AP4B1: variants seen among roughly 807,000 people sequenced by gnomAD.
AP4B1 encodes adaptor related protein complex 4 subunit beta 1.
A neutral mutation model predicts 76.5 loss-of-function variants in AP4B1; 49 were observed. That is an observed-to-expected ratio of 0.64 (90% CI 0.51 to 0.81). AP4B1 has a LOEUF of 0.81. Ranked by LOEUF, AP4B1 falls within the 40% of genes least tolerant of loss-of-function variation. The pLI, the probability that AP4B1 is intolerant of heterozygous loss-of-function variation, is 0.00. For synonymous variants in AP4B1, 330 were observed against 333.3 expected (o/e 0.99, Z 0.11); for missense variants, 911 against 904.9 (o/e 1.01, Z -0.09).
intron 5 of AP4B1, 161 bp downstream of exon 5, chr1:113,899,743 C>A: frequency 2.7e-6 from 3 of 1,095,442 alleles, no homozygotes; most frequent in Non-Finnish European, 4.0e-6. Flanking sequence ...CAAAAAAAAA[C>A]TCTCTTCCCC....
intron 2 of AP4B1, among the ~76,000 whole-genome samples, chr1:113,902,408 A>T (rs529603033): frequency 6.6e-6 from 1 of 152,350 alleles, no homozygotes; most frequent in Admixed American, 6.5e-5. Flanking sequence ...GAGATATTTA[A>T]CCAAAACTGA....
At chr1:113,899,061 C>G in intron 5 of AP4B1, 1 of 1,268,042 alleles carries the variant, frequency 7.9e-7, no homozygotes, top group Non-Finnish European at 1.0e-6. Flanking sequence ...AGGTTGAAAA[C>G]TTATAGTAAC....
chr1:113,902,075 G>C, intron 2 of AP4B1, 190 bp from the exon 3 acceptor site: 1 of 711,080 alleles, frequency 1.4e-6, no homozygotes, highest in Non-Finnish European at 2.3e-6. Context: ...TTTTCAAGAT[G>C]GGGTCTCACT....
At chr1:113,898,660 C>G (rs1314092609) in intron 6 of AP4B1, 58 bp downstream of exon 6, 2 of 1,293,542 alleles carry the variant, frequency 1.5e-6, no homozygotes, top group African/African-American at 2.9e-5. Flanking sequence ...TTTTGAGCAA[C>G]TACTATAGGC....
At chr1:113,903,054 T>C (rs1334761113) in intron 1 of AP4B1, among the ~76,000 whole-genome samples, 192 bp from the exon 2 acceptor site, 1 of 152,172 alleles carries the variant, frequency 6.6e-6, no homozygotes, top group African/African-American at 2.4e-5. Flanking sequence ...TATTCTTCTA[T>C]TCATTCAACA....
chr1:113,895,210 A>T lies in AP4B1; in HGVS notation c.2075T>A (p.Leu692Gln). The change falls in exon 10 of 10, where the codon CTG becomes CAG. Residue 692 changes from leucine (L) to glutamine (Q), a missense_variant. By Grantham distance (113) the Leu-to-Gln change is moderately radical. Coordinates refer to ENST00000369569, the MANE Select transcript of AP4B1 (RefSeq NM_001253852.3). The stretch of plus-strand genomic sequence containing the variant: ...CTCCAATAGCAGTTCTGTTAAGAAC[A>T]GACAGCCAGTATCATCCTGAGCACT... ...YLSAQDDTGC[L>Q]FLTELLLEPG... 6.2e-7 allele frequency: 1 copy of T among 1,614,234 alleles called. No homozygotes were observed. The highest frequency in any genetic ancestry group is 8.5e-7 in the Non-Finnish European group (1 of 1,180,044).
intron 2 of AP4B1, among the ~76,000 whole-genome samples, 160 bp downstream of exon 2, chr1:113,902,478 G>A (rs1229349971): frequency 6.6e-6 from 1 of 152,162 alleles, no homozygotes; most frequent in Non-Finnish European, 1.5e-5. Flanking sequence ...TATGATACAG[G>A]TTATTAAGCC....
chr1:113,901,822 T>C lies in AP4B1; in HGVS notation c.402A>G (p.Ser134=). ...PILNGLRDKA[S]YVRRVAVLGC... is the part of the protein sequence containing the mutation. ...CAAGGACTGCCACTCTCCTGACATA[T>C]GAAGCCTTATCCCGCAGACCATTGA... The change falls in exon 3 of 10, where the codon TCA becomes TCG. Residue 134 remains serine, a synonymous_variant. Coordinates refer to ENST00000369569, the MANE Select transcript of AP4B1 (RefSeq NM_001253852.3). The C allele has an allele frequency of 6.2e-7, 1 of 1,614,164 alleles. No homozygotes were observed. Among genetic ancestry groups the C allele is most frequent in the South Asian group, 1.1e-5 (1 of 91,080 alleles).
In AP4B1 at chr1:113,896,426, C is replaced by T. The variant is rs2100998541; in HGVS notation, c.1342G>A (p.Glu448Lys). The change falls in exon 8 of 10, where the codon GAA (glutamate) becomes AAA (lysine). Residue 448 changes from glutamate (E) to lysine (K), a missense_variant. Transcript: ENST00000369569. Reference protein sequence around the residue: ...ALIWLLGVHGERIPNAPYVLE... With the variant: ...ALIWLLGVHGKRIPNAPYVLE... ...ACATAAGGAGCATTAGGAATTCTTTCCCCATGGACACCAAGTAGCCAAATA... is the reference window on the plus strand; with the variant it reads ...ACATAAGGAGCATTAGGAATTCTTTTCCCATGGACACCAAGTAGCCAAATA... 6.2e-7 allele frequency: 1 copy of T among 1,614,182 alleles called. No individual in the cohort carries two copies. Among genetic ancestry groups the T allele is most frequent in the Non-Finnish European group, 8.5e-7 (1 of 1,180,042 alleles).
In AP4B1 at chr1:113,901,354, A is replaced by C; in HGVS notation, c.499T>G (p.Leu167Val). 6.2e-7 allele frequency: 1 copy of C among 1,614,172 alleles called. No homozygotes were observed. Among genetic ancestry groups the C allele is most frequent in the South Asian group, 1.1e-5 (1 of 91,086 alleles). Reference protein sequence around the residue: ...DGALVNELYSLLRDQDPIVVV... With the variant: ...DGALVNELYSVLRDQDPIVVV... ...ACAATTGGATCCTGGTCACGCAGCA[A>C]ACTGTATAATTCATTTACCAGGGCA... Residue 167 changes from leucine (L) to valine (V), a missense_variant, in exon 4 of 10, where the codon TTG becomes GTG. Coordinates refer to ENST00000369569, the MANE Select transcript of AP4B1 (RefSeq NM_001253852.3).
At chr1:113,899,192 G>C (rs907517947) in intron 5 of AP4B1, 7 of 1,045,640 alleles carry the variant, frequency 6.7e-6, no homozygotes, top group Middle Eastern at 4.7e-4. Flanking sequence ...TCTCCTCTTT[G>C]CTCCCTCTTC....
Position 113,897,591 on chromosome 1 carries a change from GCAAAA to G in AP4B1, c.1302+244_1302+248del, listed in dbSNP as rs376491508. The G allele has an allele frequency of 0.026, 13,774 of 520,090 alleles. 240 individuals carry two copies. The highest frequency in any genetic ancestry group is 0.049 in the Middle Eastern group (91 of 1,852). 32.2% of individuals were successfully genotyped at this position (520,090 alleles called of 1,614,324 possible). A position where few individuals can be genotyped will look rare whatever the true frequency, so the allele number is the denominator to read the frequency against. On this transcript the variant is annotated intron_variant, in intron 7 of 9. Coordinates refer to ENST00000369569, the MANE Select transcript of AP4B1 (RefSeq NM_001253852.3). ...CCTGGGCAACTCTATCTCAAGCAAA[GCAAAA>G]CAAAACAAAACAGAACTGTTCAAGA...
rs1352685654 is a variant in AP4B1, at chr1:113,894,895, T to C, written c.*170A>G. 2 of 701,194 alleles carry C rather than the reference T, an allele frequency of 2.9e-6. No homozygotes were observed. The highest frequency in any genetic ancestry group is 1.9e-5 in the South Asian group (1 of 51,530). 43.4% of individuals were successfully genotyped at this position (701,194 alleles called of 1,614,324 possible). On this transcript the variant is annotated 3_prime_UTR_variant, in exon 10 of 10. Transcript: ENST00000369569. ...AAATGGGGTCAATTGCCAATAGGAA[T>C]GAAAGGAATGAATCAATGTTCTTTG... is the stretch of plus-strand genomic sequence containing the variant.
At chr1:113,904,470 GC>G (rs2101055482) in intron 1 of AP4B1, 134 bp downstream of exon 1, 7 of 836,218 alleles carry the variant, frequency 8.4e-6, no homozygotes, top group South Asian at 6.7e-5. Flanking sequence ...GTACTCCAAA[GC>G]AGCAGGACGA....
chr1:113,897,566 C>T (rs1667648514), intron 7 of AP4B1: 1 of 455,212 alleles, frequency 2.2e-6, no homozygotes, highest in South Asian at 2.1e-5. Flanking sequence ...TGCACTCCAG[C>T]CTGGGCAACT....
At chr1:113,904,938 C>G (rs1668795040), upstream of AP4B1, 2 of 531,154 alleles carry the variant, frequency 3.8e-6, no homozygotes, top group South Asian at 3.9e-5. Flanking sequence ...TCTTCAGGCC[C>G]TACCGTCGGC....
chr1:113,902,599 A>C (rs770718045), intron 2 of AP4B1, 39 bp downstream of exon 2: 5 of 1,591,150 alleles, frequency 3.1e-6, no homozygotes, highest in African/African-American at 2.7e-5. Context: ...ACTTGAATTC[A>C]TCAGCCATTT....
At position 113,900,296 on chromosome 1, in the gene AP4B1, T is replaced by C; in HGVS notation, c.722A>G (p.Asp241Gly). 6.2e-7 allele frequency: 1 copy of C among 1,605,014 alleles called. No individual in the cohort carries two copies. The highest frequency in any genetic ancestry group is 1.3e-5 in the African/African-American group (1 of 74,596). Residue 241 changes from aspartate (D) to glycine (G), a missense_variant, in exon 5 of 10, where the codon GAT becomes GGT. By Grantham distance (94) the Asp-to-Gly change is moderately conservative. Transcript: ENST00000369569. The part of the protein sequence containing the change: ...EELFDILNLL[D>G]SFLKSSSPGV... ...TGGGCTACTGCTCTTGAGGAAACTA[T>C]CCAACAGATTGAGAATGTCAAATAG...
chr1:113,900,004 T>C lies in AP4B1; in HGVS notation c.1014A>G (p.Glu338=), dbSNP rs1378563329. ...IKLQKVEVLC[E]LVNDENVQQV... ...GCTGCACATTCTCATCGTTCACCAG[T>C]TCACACAGCACCTCCACTTTCTGTA... is the stretch of plus-strand genomic sequence containing the variant. The change falls in exon 5 of 10, where the codon GAA becomes GAG. Residue 338 remains glutamate, a synonymous_variant. Coordinates refer to ENST00000369569, the MANE Select transcript of AP4B1 (RefSeq NM_001253852.3). 8.7e-6 allele frequency: 14 copies of C among 1,614,108 alleles called. No homozygotes were observed. Among genetic ancestry groups the C allele is most frequent in the Non-Finnish European group, 1.2e-5 (14 of 1,180,050 alleles).
Sources: gnomAD v4.1 joint callset for allele counts (sites outside exome capture counted in the v4.1 genomes callset) on GRCh38, gnomAD v4.1.1 for gene constraint, MANE v1.5 for transcripts, NCBI Gene and HGNC (gene_info 2026-07-23, HGNC 2026-07-21) for gene names.